Variants in ASGR2 observed in about 807,000 individuals in gnomAD.
The protein encoded by ASGR2 is asialoglycoprotein receptor 2, also known as C-type lectin domain family 4 member H2.
A neutral mutation model predicts 32.3 loss-of-function variants in ASGR2; 34 were observed. The observed-to-expected ratio is 1.05, with a 90% confidence interval of 0.80 to 1.40. The LOEUF (loss-of-function observed/expected upper bound fraction) is 1.40, where lower values mean the gene tolerates loss of function less well. Ranked by LOEUF, ASGR2 falls within the 40% of genes most tolerant of loss-of-function variation. The pLI is 0.00. For missense variants in ASGR2, 385 were observed against 386.4 expected, an observed-to-expected ratio of 1.00 and a Z score of 0.03; for synonymous variants, 143 against 150.0, an observed-to-expected ratio of 0.95 and a Z score of 0.34.
In ASGR2 at chr17:7,114,250, C is replaced by CGGGCTG. The variant is rs1915187435; in HGVS notation, c.-16_-11dup. The CGGGCTG allele has an allele frequency of 2.5e-6, 4 of 1,610,570 alleles. No individual in the cohort carries two copies. The African/African-American group carries it at 5.3e-5, about 22-fold the overall frequency. On this transcript the variant is annotated 5_prime_UTR_variant, in exon 2 of 9. Coordinates refer to ENST00000691900, the MANE Select transcript of ASGR2 (RefSeq NM_001201352.2). This position sits in a 1 kb window ranked among gnomAD's most constrained non-coding sequence, Gnocchi z 4.5. ...GAAAGTCCTTGGCCATGATGGGGCCCGGGCTGGAGCTGGAGCTGGAGCTGG... is the reference window on the plus strand; with the variant it reads ...GAAAGTCCTTGGCCATGATGGGGCCCGGGCTGGGGCTGGAGCTGGAGCTGGAGCTGG...
At position 7,108,980 on chromosome 17, in the gene ASGR2, G is replaced by A. The variant is rs573656377; in HGVS notation, c.125-92C>T. Reference sequence around the variant, plus strand: ...CCGAAGCCTGAGGAGGCATAACCTGGGCGGGGGGATTGGTTGGGGCCATGG... The same window carrying A: ...CCGAAGCCTGAGGAGGCATAACCTGAGCGGGGGGATTGGTTGGGGCCATGG... On this transcript the variant is annotated intron_variant, in intron 2 of 8. Coordinates refer to ENST00000691900, the MANE Select transcript of ASGR2 (RefSeq NM_001201352.2). The surrounding 1 kb of genome is among the most constrained non-coding windows in gnomAD (Gnocchi z 4.9). The A allele has an allele frequency of 2.9e-4, 394 of 1,353,264 alleles. 6 individuals carry two copies. In the South Asian group the frequency reaches 3.4e-3, roughly 12 times the overall value. The allele number at this position is 1,353,264 out of a possible 1,614,324, so 83.8% of individuals were successfully genotyped here.
Position 7,107,652 on chromosome 17 carries a change from CCACA to C in ASGR2, c.409+180_409+183del. 1.3e-6 allele frequency: 1 copy of C among 791,714 alleles called. No homozygotes were observed. Among genetic ancestry groups the C allele is most frequent in the East Asian group, 2.7e-5 (1 of 37,162 alleles). The allele number at this position is 791,714 out of a possible 1,614,324, so 49.0% of individuals were successfully genotyped here. ...ACACACATATACACCACACTACACACCACACACAGATCCATGACATATCACACCA... is the reference window on the plus strand; with the variant it reads ...ACACACATATACACCACACTACACACCACAGATCCATGACATATCACACCA... On this transcript the variant is annotated intron_variant, in intron 5 of 8. Coordinates refer to ENST00000691900, the MANE Select transcript of ASGR2 (RefSeq NM_001201352.2). The surrounding 1 kb of genome is among the most constrained non-coding windows in gnomAD (Gnocchi z 5.0).
chr17:7,104,315 T>C (rs1476521172), intron 7 of ASGR2, among the ~76,000 whole-genome samples: 2 of 125,562 alleles, frequency 1.6e-5, no homozygotes, highest in African/African-American at 6.3e-5. Flanking sequence ...GCCATTGCAC[T>C]CCAGCCTGGT....
At chr17:7,109,670 T>G (rs1414745372) in intron 2 of ASGR2, among the ~76,000 whole-genome samples, 8 of 151,690 alleles carry the variant, frequency 5.3e-5, no homozygotes, top group Admixed American at 1.3e-4. Flanking sequence ...ACACACACAT[T>G]CACATGCCCT....
At chr17:7,109,995 T>C (rs1273895203) in intron 2 of ASGR2, among the ~76,000 whole-genome samples, 1 of 152,112 alleles carries the variant, frequency 6.6e-6, no homozygotes, top group African/African-American at 2.4e-5. Context: ...CTTCTAGGCC[T>C]TGGACCCTGA....
chr17:7,114,029 A>G lies in ASGR2; in HGVS notation c.124+88T>C. 6.4e-7 allele frequency: 1 copy of G among 1,565,342 alleles called. No individual in the cohort carries two copies. Among genetic ancestry groups the G allele is most frequent in the Non-Finnish European group, 8.7e-7 (1 of 1,153,744 alleles). ...CGGGCCCTCCTCAGTCCCTGTTCAC[A>G]GAGTGGGTGCGGCAGAGACCTCAAA... On this transcript the variant is annotated intron_variant, in intron 2 of 8. Transcript: ENST00000691900. This position sits in a 1 kb window ranked among gnomAD's most constrained non-coding sequence, Gnocchi z 4.5.
intron 7 of ASGR2, 64 bp from the exon 8 acceptor site, chr17:7,102,260 C>A: frequency 7.1e-7 from 1 of 1,401,962 alleles, no homozygotes; most frequent in Non-Finnish European, 1.0e-6. Context: ...TCCATGCAGG[C>A]ATGGAACTGT....
intron 7 of ASGR2, among the ~76,000 whole-genome samples, chr17:7,102,607 T>C (rs1209253885): frequency 6.6e-6 from 1 of 152,162 alleles, no homozygotes; most frequent in Non-Finnish European, 1.5e-5. Flanking sequence ...GTTCTCTCCC[T>C]GTCTTCTGCC....
chr17:7,114,741 C>T lies in ASGR2; in HGVS notation c.-197G>A. The T allele has an allele frequency of 1.0e-6, 1 of 1,001,986 alleles. No individual in the cohort carries two copies. Among genetic ancestry groups the T allele is most frequent in the Non-Finnish European group, 1.2e-6 (1 of 839,212 alleles). The allele number at this position is 1,001,986 out of a possible 1,614,324, so 62.1% of individuals were successfully genotyped here. ...AGGGGAGAGGAGAGTGGAGGAGGGG[C>T]TGGTCCGGGCAAGGCCTGCACTGGA... On this transcript the variant is annotated 5_prime_UTR_variant, in exon 1 of 9. Coordinates refer to ENST00000691900, the MANE Select transcript of ASGR2 (RefSeq NM_001201352.2). This position sits in a 1 kb window ranked among gnomAD's most constrained non-coding sequence, Gnocchi z 4.5.
intron 2 of ASGR2, among the ~76,000 whole-genome samples, chr17:7,111,770 T>TC (rs1301369696): frequency 1.3e-5 from 2 of 150,716 alleles, no homozygotes; most frequent in African/African-American, 4.9e-5. Flanking sequence ...ACATCTGTAA[T>TC]CCCAGCACTT....
rs371926946 is a variant in ASGR2, at chr17:7,108,607, A to G, written c.242-50T>C. The stretch of plus-strand genomic sequence containing the variant: ...GATGAGGCAGAGGGGCCGTGTCCCC[A>G]TCACTGTCCATGTGACTGGCCCCTC... On this transcript the variant is annotated intron_variant, in intron 3 of 8. Transcript: ENST00000691900. The surrounding 1 kb of genome is among the most constrained non-coding windows in gnomAD (Gnocchi z 4.9). The G allele has an allele frequency of 5.9e-5, 94 of 1,603,446 alleles. No individual in the cohort carries two copies. In the African/African-American group the frequency reaches 1.2e-3, roughly 20 times the overall value.
intron 7 of ASGR2, among the ~76,000 whole-genome samples, chr17:7,104,690 TGAG>T (rs1305954327): frequency 6.9e-6 from 1 of 144,932 alleles, no homozygotes; most frequent in Admixed American, 7.0e-5. Flanking sequence ...ATAAAACACT[TGAG>T]GGGCCGGGCG....
chr17:7,107,916 G>A lies in ASGR2; in HGVS notation c.338-9C>T, dbSNP rs148122001. 1.1e-4 allele frequency: 171 copies of A among 1,613,814 alleles called. No homozygotes were observed. In the East Asian group the frequency reaches 2.1e-3, roughly 20 times the overall value. On this transcript the variant is annotated splice_polypyrimidine_tract_variant and intron_variant, in intron 4 of 8. Transcript: ENST00000691900. The surrounding 1 kb of genome is among the most constrained non-coding windows in gnomAD (Gnocchi z 5.0). ...GTCACCCACGCTGCCTCCTGGAAGC[G>A]GAAAGCCAGCTGTTTCCCCGCTGAG...
chr17:7,102,035 C>T (rs1299090262), intron 8 of ASGR2, 55 bp downstream of exon 8: 7 of 1,549,336 alleles, frequency 4.5e-6, no homozygotes, highest in Non-Finnish European at 6.2e-6. Flanking sequence ...AGTGAAAGGC[C>T]AGGGGGCTGT....
upstream of ASGR2, chr17:7,114,904 AG>A (rs1029549892): frequency 4.2e-5 from 41 of 984,894 alleles, no homozygotes; most frequent in South Asian, 4.7e-5. This position sits in a 1 kb window ranked among gnomAD's most constrained non-coding sequence, Gnocchi z 4.5. Context: ...ATTCCCAGAG[AG>A]GGGGGTCCCC....
chr17:7,110,421 C>T (rs894792501), intron 2 of ASGR2, among the ~76,000 whole-genome samples: 3 of 152,186 alleles, frequency 2.0e-5, no homozygotes, highest in African/African-American at 4.8e-5. Flanking sequence ...CTTCAGCACC[C>T]TCCACTCAGA....
rs1913928705 is a variant in ASGR2 at position 7,107,512 on chromosome 17, CACAA to C, written c.410-199_410-196del. 1 of 659,488 alleles carries C rather than the reference CACAA, an allele frequency of 1.5e-6. No individual in the cohort carries two copies. The highest frequency in any genetic ancestry group is 2.6e-6 in the Non-Finnish European group (1 of 377,706). The allele number at this position is 659,488 out of a possible 1,614,324, so 40.9% of individuals were successfully genotyped here. A position where few individuals can be genotyped will look rare whatever the true frequency, so the allele number is the denominator to read the frequency against. ...ACCACACACAGATCCATCACACACA[CACAA>C]ACACACCAAGAGACACACCACACAC... On this transcript the variant is annotated intron_variant, in intron 5 of 8. Transcript: ENST00000691900. This position sits in a 1 kb window ranked among gnomAD's most constrained non-coding sequence, Gnocchi z 5.0.
chr17:7,104,752 G>A lies in ASGR2; in HGVS notation c.648+2248C>T, dbSNP rs142630236. ...AGCACTTCAGGAGGCCAAGGCGGGC[G>A]GATCACGAGGTCAGGAGTTCAAGAC... On this transcript the variant is annotated intron_variant, in intron 7 of 8. Coordinates refer to ENST00000691900, the MANE Select transcript of ASGR2 (RefSeq NM_001201352.2). Among the ~76,000 whole-genome samples the A allele has an allele frequency of 4.6e-3, 699 of 150,812 alleles. 11 individuals are homozygous for A. The highest frequency in any genetic ancestry group is 0.044 in the East Asian group (224 of 5,096).
intron 2 of ASGR2, among the ~76,000 whole-genome samples, chr17:7,112,662 G>A (rs1250130375): frequency 1.3e-5 from 2 of 152,168 alleles, no homozygotes; most frequent in Non-Finnish European, 2.9e-5. Flanking sequence ...ACAGAGAGAG[G>A]AGATGCTACT....
Sources: allele counts gnomAD v4.1 joint callset (sites outside exome capture counted in the v4.1 genomes callset), GRCh38; gene constraint gnomAD v4.1.1; non-coding constraint Gnocchi (gnomAD v3.1); transcripts MANE v1.5; gene names NCBI Gene and HGNC (gene_info 2026-07-23, HGNC 2026-07-21).